Variants in BICDL1 observed in about 807,000 individuals in gnomAD.
BICDL1 encodes BICD family like cargo adaptor 1.
BICDL1 carries 20 observed loss-of-function variants against 76.8 expected under a neutral mutation model. The observed-to-expected ratio is 0.26, with a 90% CI of 0.18 to 0.38. BICDL1 has a LOEUF of 0.38. BICDL1 is among the 10% of genes least tolerant of loss of function. BICDL1 has a pLI of 1.00. For missense variants in BICDL1, 700 were observed against 798.6 expected, an observed-to-expected ratio of 0.88 and a Z score of 1.49; for synonymous variants, 383 against 337.1, an observed-to-expected ratio of 1.14 and a Z score of -1.49.
At chr12:119,993,891 T>C (rs4351876) in intron 1 of BICDL1, among the ~76,000 whole-genome samples, 48,660 of 152,140 alleles carry the variant, frequency 0.32, 9,761 homozygotes, top group African/African-American at 0.56. Flanking sequence ...GCTGGGATTA[T>C]AGGCGTGAGC....
intron 2 of BICDL1, among the ~76,000 whole-genome samples, chr12:120,044,113 G>T (rs1952699319): frequency 6.6e-6 from 1 of 152,172 alleles, no homozygotes; most frequent in Non-Finnish European, 1.5e-5. Flanking sequence ...AGTCAAAGAG[G>T]CATGTTCAGG....
intron 1 of BICDL1, 87 bp from the exon 2 acceptor site, chr12:119,998,434 A>G: frequency 4.0e-6 from 5 of 1,236,434 alleles, no homozygotes; most frequent in Non-Finnish European, 5.5e-6. Context: ...CTGACTAGGA[A>G]AAAGAAAAGT....
chr12:119,990,870 C>T lies in BICDL1; in HGVS notation c.429+573C>T, dbSNP rs571942772. ...GGCGAGCCAGGGCTCAACATGTGAC[C>T]GCTGGTAGTGGATTTAATTTGGGCC... is the stretch of plus-strand genomic sequence containing the variant. On this transcript the variant is annotated intron_variant, in intron 1 of 9. Coordinates refer to ENST00000548673, the MANE Select transcript of BICDL1 (RefSeq NM_001367886.1). Among the ~76,000 whole-genome samples the T allele has an allele frequency of 3.3e-5, 5 of 152,284 alleles. No individual in the cohort carries two copies. In the East Asian group the frequency reaches 5.8e-4, roughly 18 times the overall value.
rs1161780935 is a variant in BICDL1, at chr12:120,093,112, C to A, written c.1817C>A (p.Pro606His). Reference sequence around the variant, plus strand: ...CACAGCGCTGGGCGGGGGGATGAGCCCAGCATCGCTGAAGGCAAACGACTC... The same window carrying A: ...CACAGCGCTGGGCGGGGGGATGAGCACAGCATCGCTGAAGGCAAACGACTC... ...RGHSAGRGDE[P>H]SIAEGKRLFS... Residue 606 changes from proline to histidine, a missense_variant, in exon 10 of 10, where the codon CCC (proline) becomes CAC (histidine). By Grantham distance (77) the Pro-to-His change is moderately conservative. Transcript: ENST00000548673. 1 of 1,613,534 alleles carries A rather than the reference C, an allele frequency of 6.2e-7. No homozygotes were observed. The highest frequency in any genetic ancestry group is 8.5e-7 in the Non-Finnish European group (1 of 1,179,744).
At chr12:120,089,262 C>T (rs1227951471) in intron 8 of BICDL1, among the ~76,000 whole-genome samples, 1 of 150,318 alleles carries the variant, frequency 6.7e-6, no homozygotes, top group Non-Finnish European at 1.5e-5. Context: ...TAGTATTGTC[C>T]TTTTTCAACG....
intron 2 of BICDL1, among the ~76,000 whole-genome samples, chr12:120,026,327 GTTAACA>G (rs1952300987): frequency 1.3e-5 from 2 of 152,104 alleles, no homozygotes; most frequent in South Asian, 4.1e-4. Context: ...GGAGGAAAAT[GTTAACA>G]TTAACAGTTG....
Position 119,998,745 on chromosome 12 carries a change from C to T in BICDL1, c.645+9C>T, listed in dbSNP as rs1951700965. ...TGGATCAGCTCAGCAGGGTGAGTCA[C>T]AAATTAAGAATTTAAGATGTAAAAT... On this transcript the variant is annotated intron_variant, in intron 2 of 9. Coordinates refer to ENST00000548673, the MANE Select transcript of BICDL1 (RefSeq NM_001367886.1). 1.2e-6 allele frequency: 2 copies of T among 1,610,364 alleles called. No individual in the cohort carries two copies. Among genetic ancestry groups the T allele is most frequent in the Non-Finnish European group, 1.7e-6 (2 of 1,177,886 alleles).
At chr12:120,073,994 A>G (rs1268346390) in intron 6 of BICDL1, among the ~76,000 whole-genome samples, 1 of 152,080 alleles carries the variant, frequency 6.6e-6, no homozygotes, top group Non-Finnish European at 1.5e-5. Context: ...ATCTTGGCTC[A>G]CTGCAACCTC....
chr12:120,050,193 A>G (rs1952826626), intron 2 of BICDL1, among the ~76,000 whole-genome samples: 1 of 152,044 alleles, frequency 6.6e-6, no homozygotes, highest in Non-Finnish European at 1.5e-5. Flanking sequence ...TATTCTGAAT[A>G]CAAGTCAGAT....
At chr12:120,063,509 A>C (rs1043789960) in intron 3 of BICDL1, among the ~76,000 whole-genome samples, 2 of 146,294 alleles carry the variant, frequency 1.4e-5, no homozygotes, top group African/African-American at 5.4e-5. Flanking sequence ...TAAAAAGTAA[A>C]GGGAAAAGTG....
In BICDL1 at chr12:120,071,036, G is replaced by T. The variant is rs986949318; in HGVS notation, c.910-586G>T. ...TGAGCCACCACGCCCGGCCTGGTTG[G>T]TATAACTCAAGTCTTTTTTTATTTC... is the stretch of plus-strand genomic sequence containing the variant. On this transcript the variant is annotated intron_variant, in intron 4 of 9. Coordinates refer to ENST00000548673, the MANE Select transcript of BICDL1 (RefSeq NM_001367886.1). The surrounding 1 kb of genome is among the most constrained non-coding windows in gnomAD (Gnocchi z 4.8). 1.3e-5 allele frequency among the ~76,000 whole-genome samples: 2 copies of T among 150,896 alleles called. No homozygotes were observed. Among genetic ancestry groups the T allele is most frequent in the African/African-American group, 4.9e-5 (2 of 41,004 alleles).
At chr12:119,993,577 A>G (rs1951573201) in intron 1 of BICDL1, among the ~76,000 whole-genome samples, 1 of 149,690 alleles carries the variant, frequency 6.7e-6, no homozygotes, top group African/African-American at 2.5e-5. Flanking sequence ...TTGACTCTGT[A>G]TTTTGTTACT....
chr12:120,003,486 G>A (rs986984634), intron 2 of BICDL1, among the ~76,000 whole-genome samples: 1 of 152,206 alleles, frequency 6.6e-6, no homozygotes, highest in Non-Finnish European at 1.5e-5. Context: ...CTCTTTAGAA[G>A]TGCACTCCTG....
chr12:120,090,784 T>C (rs1303779064), intron 9 of BICDL1: 27 of 848,570 alleles, frequency 3.2e-5, no homozygotes, highest in Middle Eastern at 4.4e-4. Flanking sequence ...CAGGGCCCCA[T>C]GGGGCTGGCA....
intron 8 of BICDL1, among the ~76,000 whole-genome samples, chr12:120,085,684 A>G (rs539436812): frequency 6.6e-6 from 1 of 151,444 alleles, no homozygotes; most frequent in South Asian, 2.1e-4. Flanking sequence ...GTGTGGTGGT[A>G]CATTCTTGGA....
chr12:120,051,744 A>G (rs951577449), intron 2 of BICDL1, among the ~76,000 whole-genome samples: 1 of 152,238 alleles, frequency 6.6e-6, no homozygotes, highest in African/African-American at 2.4e-5. Context: ...ATCATAGTGC[A>G]GTTATCAAAA....
chr12:119,989,889 C>T lies in BICDL1; in HGVS notation c.21C>T (p.Gly7=). The part of the protein sequence containing the change: MSAFCL[G]LVGRASAPAE... ...GGGCCATGTCCGCTTTCTGCCTGGG[C>T]TTGGTCGGCCGCGCTTCAGCACCCG... Residue 7 remains glycine (G), a synonymous_variant, in exon 1 of 10, where the codon GGC becomes GGT. Transcript: ENST00000548673. 1 of 1,438,288 alleles carries T rather than the reference C, an allele frequency of 7.0e-7. No homozygotes were observed. Among genetic ancestry groups the T allele is most frequent in the South Asian group, 1.4e-5 (1 of 70,386 alleles). The allele number at this position is 1,438,288 out of a possible 1,614,324, so 89.1% of individuals were successfully genotyped here. A position where few individuals can be genotyped will look rare whatever the true frequency, so the allele number is the denominator to read the frequency against.
Position 120,094,183 on chromosome 12 carries a change from G to T in BICDL1, c.*1022G>T. ...GGCTGCTGCTCCTGCCTCTGCAGCCGCCCCTCCTCCTCCACCCAGGCCCCA... is the reference window on the plus strand; with the variant it reads ...GGCTGCTGCTCCTGCCTCTGCAGCCTCCCCTCCTCCTCCACCCAGGCCCCA... On this transcript the variant is annotated 3_prime_UTR_variant, in exon 10 of 10. Transcript: ENST00000548673. 2.2e-6 allele frequency: 1 copy of T among 447,776 alleles called. No homozygotes were observed. The highest frequency in any genetic ancestry group is 1.6e-5 in the South Asian group (1 of 64,134). The allele number at this position is 447,776 out of a possible 1,614,324, so 27.7% of individuals were successfully genotyped here.
At chr12:120,002,286 C>T (rs1951774285) in intron 2 of BICDL1, among the ~76,000 whole-genome samples, 2 of 152,132 alleles carry the variant, frequency 1.3e-5, no homozygotes, top group Admixed American at 1.3e-4. Context: ...TTCTGAGGTA[C>T]TGGGTTTTGA....
Sources: allele counts gnomAD v4.1 joint callset (sites outside exome capture counted in the v4.1 genomes callset), GRCh38; gene constraint gnomAD v4.1.1; non-coding constraint Gnocchi (gnomAD v3.1); transcripts MANE v1.5; gene names NCBI Gene and HGNC (gene_info 2026-07-23, HGNC 2026-07-21).